ARMC5: variants seen among roughly 807,000 people sequenced by gnomAD.
The protein encoded by ARMC5 is armadillo repeat containing 5.
ARMC5 carries 28 observed loss-of-function variants against 60.5 expected under a neutral mutation model. That is an observed-to-expected ratio of 0.46 (90% CI 0.34 to 0.63). The LOEUF is 0.63. Among genes scored for constraint, ARMC5 ranks in the 30% least tolerant of loss-of-function variants. The probability of loss-of-function intolerance (pLI) is 0.01; values close to 1 mark genes in which losing one functional copy is unlikely to be tolerated. For synonymous variants in ARMC5, 680 were observed against 607.3 expected, an observed-to-expected ratio of 1.12 and a Z score of -1.76; for missense variants, 1,189 against 1,304.9, an observed-to-expected ratio of 0.91 and a Z score of 1.37.
rs780891347 is a variant in ARMC5, at chr16:31,459,996, T to G, written c.472T>G (p.Leu158Val). 1.3e-6 allele frequency: 2 copies of G among 1,595,576 alleles called. No homozygotes were observed. Among genetic ancestry groups the G allele is most frequent in the Admixed American group, 3.4e-5 (2 of 59,412 alleles). Reference sequence around the variant, plus strand: ...GCGCAGACTCGGAGGCATACTCCCTTTGGGTAAGTGCTCCGCCCCCGTTTC... The same window carrying G: ...GCGCAGACTCGGAGGCATACTCCCTGTGGGTAAGTGCTCCGCCCCCGTTTC... ...EVRRLGGILP[L>V]VTILQCMKTD... Residue 158 changes from leucine to valine, a missense_variant, in exon 1 of 6, where the codon TTG (leucine) becomes GTG (valine). This residue lies in a region of ARMC5 where 327 missense variants were observed against 233.7 expected (regional missense o/e 1.40). Coordinates refer to ENST00000268314, the MANE Select transcript of ARMC5 (RefSeq NM_001105247.2).
chr16:31,464,865 C>A lies in ARMC5; in HGVS notation c.1842C>A (p.Leu614=). 6.2e-7 allele frequency: 1 copy of A among 1,600,808 alleles called. No homozygotes were observed. The highest frequency in any genetic ancestry group is 2.2e-5 in the East Asian group (1 of 44,780). ...DWPAPRARPT[L]HSRHRELGER... is the part of the protein sequence containing the mutation. ...CGGCACCACGTGCCCGGCCCACTCT[C>A]CACAGCCGGCACCGAGAGCTGGGTG... The change falls in exon 4 of 6, where the codon CTC becomes CTA. Residue 614 remains leucine, a synonymous_variant. Transcript: ENST00000268314. This position sits in a 1 kb window ranked among gnomAD's most constrained non-coding sequence, Gnocchi z 7.6.
At position 31,464,472 on chromosome 16, in the gene ARMC5, G is replaced by T; in HGVS notation, c.1449G>T (p.Pro483=). 6.2e-7 allele frequency: 1 copy of T among 1,604,952 alleles called. No homozygotes were observed. Among genetic ancestry groups the T allele is most frequent in the Non-Finnish European group, 8.5e-7 (1 of 1,176,628 alleles). ...SPDWSPEQCP[P]EPMEPASPAP... is the part of the protein sequence containing the mutation. ...ACTGGTCTCCTGAGCAGTGTCCGCC[G>T]GAGCCCATGGAGCCGGCCAGCCCCG... Residue 483 remains proline (P), a synonymous_variant, in exon 4 of 6, where the codon CCG becomes CCT. Coordinates refer to ENST00000268314, the MANE Select transcript of ARMC5 (RefSeq NM_001105247.2). This position sits in a 1 kb window ranked among gnomAD's most constrained non-coding sequence, Gnocchi z 7.6.
chr16:31,460,050 G>A, intron 1 of ARMC5, 51 bp downstream of exon 1: 1 of 1,580,534 alleles, frequency 6.3e-7, no homozygotes, highest in South Asian at 1.1e-5. Flanking sequence ...CAACTCCCTT[G>A]CTCTCTAGAC....
intron 3 of ARMC5, 91 bp downstream of exon 3, chr16:31,463,008 A>G (rs987897427): frequency 4.0e-5 from 51 of 1,288,906 alleles, no homozygotes; most frequent in African/African-American, 4.5e-5. Context: ...CTCCACCCCT[A>G]TTCTGTCTGA....
Position 31,462,228 on chromosome 16 carries a change from C to T in ARMC5, c.681C>T (p.Pro227=), listed in dbSNP as rs2082309865. The T allele has an allele frequency of 1.2e-6, 2 of 1,610,636 alleles. No individual in the cohort carries two copies. The highest frequency in any genetic ancestry group is 2.2e-5 in the East Asian group (1 of 44,880). Residue 227 remains proline, a synonymous_variant, in exon 3 of 6, where the codon CCC becomes CCT. Coordinates refer to ENST00000268314, the MANE Select transcript of ARMC5 (RefSeq NM_001105247.2). The surrounding 1 kb of genome is among the most constrained non-coding windows in gnomAD (Gnocchi z 7.2). ...VRALRNLADS[P]QHRLALAQQG... ...CCCTCCGTAACCTGGCAGACTCACC[C>T]CAGCACCGCCTGGCCTTGGCACAGC...
At position 31,459,687 on chromosome 16, in the gene ARMC5, G is replaced by T; in HGVS notation, c.163G>T (p.Ala55Ser). ...LALRTRHIKA[A>S]GGIERFRARG... ...CCTCCGCACGCGCCACATCAAGGCA[G>T]CGGGGGGAATCGAGCGCTTCCGGGC... The change falls in exon 1 of 6, where the codon GCG becomes TCG. Residue 55 changes from alanine to serine, a missense_variant. Around this residue, in one of 2 missense-constraint regions of ARMC5, gnomAD observed 327 missense variants for 233.7 expected, o/e 1.40. Transcript: ENST00000268314. The T allele has an allele frequency of 6.4e-7, 1 of 1,574,290 alleles. No homozygotes were observed. The highest frequency in any genetic ancestry group is 8.5e-7 in the Non-Finnish European group (1 of 1,170,164).
In ARMC5 at chr16:31,464,943, C is replaced by G. The variant is rs1233929326; in HGVS notation, c.1864+56C>G. 1.9e-6 allele frequency: 3 copies of G among 1,612,354 alleles called. No homozygotes were observed. The South Asian group carries it at 3.3e-5, about 18-fold the overall frequency. On this transcript the variant is annotated intron_variant, in intron 4 of 5. Transcript: ENST00000268314. This position sits in a 1 kb window ranked among gnomAD's most constrained non-coding sequence, Gnocchi z 7.6. ...CCCCATGTGAGTCCCCATCCTCCCC[C>G]ATGGCTTCCATGGGCCCAGAACCTC...
chr16:31,460,091 C>A, intron 1 of ARMC5, 92 bp downstream of exon 1: 1 of 1,358,438 alleles, frequency 7.4e-7, no homozygotes, highest in Non-Finnish European at 1.0e-6. Context: ...TGTGTCCTAT[C>A]CCGGAATAAC....
At position 31,466,454 on chromosome 16, in the gene ARMC5, C is replaced by T; in HGVS notation, c.2373C>T (p.Pro791=). ...SFAEAQMDLV[P]LRGLSPGAAW... The stretch of plus-strand genomic sequence containing the variant: ...CAGAAGCCCAGATGGACCTGGTGCC[C>T]CTGCGAGGTCTGTCGCCTGGTGCAG... The change falls in exon 6 of 6, where the codon CCC becomes CCT. Residue 791 remains proline, a synonymous_variant. Transcript: ENST00000268314. The surrounding 1 kb of genome is among the most constrained non-coding windows in gnomAD (Gnocchi z 8.0). The T allele has an allele frequency of 1.9e-6, 3 of 1,611,734 alleles. No homozygotes were observed. Among genetic ancestry groups the T allele is most frequent in the Non-Finnish European group, 2.5e-6 (3 of 1,179,844 alleles).
Position 31,464,503 on chromosome 16 carries a change from A to C in ARMC5, c.1480A>C (p.Thr494Pro), listed in dbSNP as rs781418642. 5.6e-6 allele frequency: 9 copies of C among 1,606,914 alleles called. No individual in the cohort carries two copies. Among genetic ancestry groups the C allele is most frequent in the East Asian group, 4.5e-5 (2 of 44,636 alleles). ...EPMEPASPAP[T>P]PTSLRAPRTQ... ...CATGGAGCCGGCCAGCCCCGCCCCGACCCCGACCTCGCTGCGGGCACCACG... is the reference window on the plus strand; with the variant it reads ...CATGGAGCCGGCCAGCCCCGCCCCGCCCCCGACCTCGCTGCGGGCACCACG... Residue 494 changes from threonine to proline, a missense_variant, in exon 4 of 6, where the codon ACC becomes CCC. Physicochemically the swap from Thr to Pro is conservative, Grantham distance 38. Around this residue, in one of 2 missense-constraint regions of ARMC5, gnomAD observed 862 missense variants for 1,071.2 expected, o/e 0.80. Transcript: ENST00000268314. The surrounding 1 kb of genome is among the most constrained non-coding windows in gnomAD (Gnocchi z 7.6).
upstream of ARMC5, chr16:31,458,714 C>T: frequency 6.9e-7 from 1 of 1,456,912 alleles, no homozygotes; most frequent in Non-Finnish European, 9.0e-7. Context: ...GGCGGAGCCA[C>T]CTCGCAATCC....
upstream of ARMC5, chr16:31,458,722 T>C: frequency 6.8e-7 from 1 of 1,469,074 alleles, no homozygotes; most frequent in Non-Finnish European, 9.0e-7. Flanking sequence ...CACCTCGCAA[T>C]CCAGGGGTGA....
At position 31,462,756 on chromosome 16, in the gene ARMC5, C is replaced by A; in HGVS notation, c.1209C>A (p.Ala403=). 1 of 1,613,860 alleles carries A rather than the reference C, an allele frequency of 6.2e-7. No individual in the cohort carries two copies. Among genetic ancestry groups the A allele is most frequent in the Non-Finnish European group, 8.5e-7 (1 of 1,180,024 alleles). Residue 403 remains alanine, a synonymous_variant, in exon 3 of 6, where the codon GCC becomes GCA. Transcript: ENST00000268314. The surrounding 1 kb of genome is among the most constrained non-coding windows in gnomAD (Gnocchi z 7.2). ...ALVGFLYDTG[A]LGRLQALGLV... Reference sequence around the variant, plus strand: ...TGGGGTTTCTGTATGACACTGGGGCCCTGGGCCGGCTGCAGGCTCTGGGAC... The same window carrying A: ...TGGGGTTTCTGTATGACACTGGGGCACTGGGCCGGCTGCAGGCTCTGGGAC...
In ARMC5 at chr16:31,459,698, C is replaced by T. The variant is rs181081811; in HGVS notation, c.174C>T (p.Ile58=). The part of the protein sequence containing the change: ...RTRHIKAAGG[I]ERFRARGGLR... ...GCCACATCAAGGCAGCGGGGGGAAT[C>T]GAGCGCTTCCGGGCACGCGGCGGGC... Residue 58 remains isoleucine, a synonymous_variant, in exon 1 of 6, where the codon ATC becomes ATT. Coordinates refer to ENST00000268314, the MANE Select transcript of ARMC5 (RefSeq NM_001105247.2). 1,385 of 1,565,790 alleles carry T rather than the reference C, an allele frequency of 8.8e-4. 13 individuals carry two copies. The African/African-American group carries it at 0.016, about 18-fold the overall frequency.
Position 31,465,575 on chromosome 16 carries a change from T to C in ARMC5, c.1865-275T>C, listed in dbSNP as rs1352762084. 3.1e-6 allele frequency: 4 copies of C among 1,271,592 alleles called. No individual in the cohort carries two copies. In the East Asian group the frequency reaches 8.3e-5, roughly 26 times the overall value. 78.8% of individuals were successfully genotyped at this position (1,271,592 alleles called of 1,614,324 possible). ...ATTCTTGTTTTATATTGTATTATAC[T>C]GGAACAGCTCGTGTCCTCCGTCTCT... On this transcript the variant is annotated intron_variant, in intron 4 of 5. Transcript: ENST00000268314.
Position 31,464,329 on chromosome 16 carries a change from C to T in ARMC5, c.1371-65C>T. ...AAAAAAAAAAAAAGACGCCTCACGC[C>T]TCTTGGACTCTGCCCCTTAACCTTG... On this transcript the variant is annotated intron_variant, in intron 3 of 5. Transcript: ENST00000268314. The surrounding 1 kb of genome is among the most constrained non-coding windows in gnomAD (Gnocchi z 7.6). 1 of 1,215,340 alleles carries T rather than the reference C, an allele frequency of 8.2e-7. No homozygotes were observed. The highest frequency in any genetic ancestry group is 1.1e-6 in the Non-Finnish European group (1 of 888,216). The allele number at this position is 1,215,340 out of a possible 1,614,324, so 75.3% of individuals were successfully genotyped here.
Position 31,462,949 on chromosome 16 carries a change from A to G in ARMC5, c.1370+32A>G, listed in dbSNP as rs1455639000. 4.0e-6 allele frequency: 6 copies of G among 1,517,386 alleles called. No homozygotes were observed. Among genetic ancestry groups the G allele is most frequent in the Admixed American group, 2.2e-5 (1 of 46,272 alleles). The allele number at this position is 1,517,386 out of a possible 1,614,324, so 94.0% of individuals were successfully genotyped here. On this transcript the variant is annotated intron_variant, in intron 3 of 5. Transcript: ENST00000268314. The surrounding 1 kb of genome is among the most constrained non-coding windows in gnomAD (Gnocchi z 7.2). The stretch of plus-strand genomic sequence containing the variant: ...CCCTGCCTCAGGGCTTGGGAGGGTG[A>G]GCAGTGCAGTGATGTGGGGTTTGTG...
Position 31,466,440 on chromosome 16 carries a change from A to G in ARMC5, c.2359A>G (p.Met787Val), listed in dbSNP as rs1417024313. The change falls in exon 6 of 6, where the codon ATG (methionine) becomes GTG (valine). Residue 787 changes from methionine to valine, a missense_variant. By Grantham distance (21) the Met-to-Val change is conservative. This residue lies in a region of ARMC5 where 862 missense variants were observed against 1,071.2 expected (regional missense o/e 0.80). Coordinates refer to ENST00000268314, the MANE Select transcript of ARMC5 (RefSeq NM_001105247.2). This position sits in a 1 kb window ranked among gnomAD's most constrained non-coding sequence, Gnocchi z 8.0. The part of the protein sequence containing the change: ...LLSGSFAEAQ[M>V]DLVPLRGLSP... ...GTCAGGCAGCTTTGCAGAAGCCCAGATGGACCTGGTGCCCCTGCGAGGTCT... is the reference window on the plus strand; with the variant it reads ...GTCAGGCAGCTTTGCAGAAGCCCAGGTGGACCTGGTGCCCCTGCGAGGTCT... 6.2e-7 allele frequency: 1 copy of G among 1,612,008 alleles called. No homozygotes were observed. The highest frequency in any genetic ancestry group is 1.1e-5 in the South Asian group (1 of 91,078).
Position 31,467,155 on chromosome 16 carries a change from T to G in ARMC5, c.*266T>G, listed in dbSNP as rs143099520. On this transcript the variant is annotated 3_prime_UTR_variant, in exon 6 of 6. Coordinates refer to ENST00000268314, the MANE Select transcript of ARMC5 (RefSeq NM_001105247.2). ...ACCTCTGGAATTGAGATTAAACAAT[T>G]TGGAGTTGGATACCTGTGTTGTGTG... The G allele has an allele frequency of 3.3e-5, 13 of 392,098 alleles. No individual in the cohort carries two copies. Among genetic ancestry groups the G allele is most frequent in the Non-Finnish European group, 5.9e-5 (13 of 220,764 alleles). 24.3% of individuals were successfully genotyped at this position (392,098 alleles called of 1,614,324 possible). A position where few individuals can be genotyped will look rare whatever the true frequency, so the allele number is the denominator to read the frequency against.
Sources: allele counts gnomAD v4.1 joint callset, GRCh38; gene constraint gnomAD v4.1.1; regional missense constraint gnomAD v4.1.1; non-coding constraint Gnocchi (gnomAD v3.1); transcripts MANE v1.5; gene names NCBI Gene and HGNC (gene_info 2026-07-23, HGNC 2026-07-21).